The following IFI27L1 variants were observed in gnomAD, a reference collection of about 807,000 sequenced individuals.
IFI27L1 encodes interferon alpha-inducible protein 27-like protein 1.
A neutral mutation model predicts 9.2 loss-of-function variants in IFI27L1; 3 were observed. The ratio of observed to expected loss-of-function variants is 0.32; its 90% confidence interval spans 0.15 to 0.84. IFI27L1 has a LOEUF of 0.84. Ranked by LOEUF, IFI27L1 falls within the 40% of genes least tolerant of loss-of-function variation. The pLI, the probability that IFI27L1 is intolerant of heterozygous loss-of-function variation, is 0.56. For synonymous variants in IFI27L1, 53 were observed against 50.0 expected (o/e 1.06, Z -0.26); for missense variants, 133 against 134.2 (o/e 0.99, Z 0.05).
intron 1 of IFI27L1, chr14:94,088,322 G>A (rs1426420966): frequency 1.4e-6 from 1 of 702,212 alleles, no homozygotes; most frequent in Admixed American, 2.0e-5. Flanking sequence ...TCATTTTACT[G>A]GCATAGATGC....
chr14:94,091,579 A>G (rs1274581579), intron 1 of IFI27L1, among the ~76,000 whole-genome samples: 1 of 152,186 alleles, frequency 6.6e-6, no homozygotes, highest in Non-Finnish European at 1.5e-5. Context: ...AAGAAGACAT[A>G]ATTTATAATT....
intron 1 of IFI27L1, 137 bp from the exon 2 acceptor site, chr14:94,096,750 T>C (rs1209733607): frequency 1.7e-5 from 8 of 482,634 alleles, no homozygotes; most frequent in African/African-American, 1.4e-4. Flanking sequence ...TACTCAAAAG[T>C]GGGTTTACGG....
At chr14:94,091,105 A>G (rs1195229563) in intron 1 of IFI27L1, among the ~76,000 whole-genome samples, 1 of 152,228 alleles carries the variant, frequency 6.6e-6, no homozygotes, top group African/African-American at 2.4e-5. Context: ...TCAGCTCTCC[A>G]TGAAAGTCCT....
At chr14:94,101,721 C>A (rs1170097717) in intron 3 of IFI27L1, 93 bp from the exon 4 acceptor site, 2 of 1,343,568 alleles carry the variant, frequency 1.5e-6, no homozygotes, top group Non-Finnish European at 2.1e-6. Flanking sequence ...GAGAGCACAG[C>A]AGACCCCTCC....
chr14:94,101,113 C>T (rs1431684282), intron 3 of IFI27L1: 1 of 506,226 alleles, frequency 2.0e-6, no homozygotes, highest in Non-Finnish European at 3.5e-6. Context: ...GGGAGTATGT[C>T]AGCTGAGCTG....
At chr14:94,101,191 T>A in intron 3 of IFI27L1, 1 of 339,490 alleles carries the variant, frequency 2.9e-6, no homozygotes, top group Non-Finnish European at 5.5e-6. Flanking sequence ...GCTTTTGACC[T>A]GCTATAAAGC....
chr14:94,102,151 T>C, intron 4 of IFI27L1, 176 bp downstream of exon 4: 1 of 676,110 alleles, frequency 1.5e-6, no homozygotes, highest in South Asian at 1.9e-5. Context: ...GCCTAAGAGA[T>C]CTGCATTCCT....
At chr14:94,101,130 A>AT in intron 3 of IFI27L1, 2 of 455,484 alleles carry the variant, frequency 4.4e-6, no homozygotes, top group Non-Finnish European at 7.9e-6. Context: ...GCTGTGTCTC[A>AT]TTCCTCAAAA....
intron 1 of IFI27L1, among the ~76,000 whole-genome samples, chr14:94,084,880 G>T (rs1429214860): frequency 6.6e-6 from 1 of 152,160 alleles, no homozygotes; most frequent in Non-Finnish European, 1.5e-5. Flanking sequence ...TTCCTCAAGG[G>T]AAATTGGGTT....
chr14:94,086,504 C>T (rs1390437864), intron 1 of IFI27L1, among the ~76,000 whole-genome samples: 1 of 152,128 alleles, frequency 6.6e-6, no homozygotes, highest in African/African-American at 2.4e-5. Context: ...AAATATTAAT[C>T]TATAACCAGG....
At chr14:94,094,882 C>G (rs1286613634) in intron 1 of IFI27L1, 1 of 152,080 alleles carries the variant, frequency 6.6e-6, no homozygotes, top group Non-Finnish European at 1.5e-5. Context: ...GACCGCAACA[C>G]CAATTGGCTG....
chr14:94,092,149 AAG>A (rs1406607552), intron 1 of IFI27L1, among the ~76,000 whole-genome samples: 2 of 151,724 alleles, frequency 1.3e-5, no homozygotes, highest in Non-Finnish European at 2.9e-5. Flanking sequence ...AAAAAAAAGA[AAG>A]AAAATCTTAA....
At position 94,097,308 on chromosome 14, in the gene IFI27L1, C is replaced by G. The variant is rs567388257; in HGVS notation, c.28+343C>G. Among the ~76,000 whole-genome samples, 3 of 152,328 alleles carry G rather than the reference C, an allele frequency of 2.0e-5. No homozygotes were observed. In the South Asian group the frequency reaches 6.2e-4, roughly 32 times the overall value. On this transcript the variant is annotated intron_variant, in intron 2 of 4. Coordinates refer to ENST00000555523, the MANE Select transcript of IFI27L1 (RefSeq NM_206949.3). ...AACGGGCAGTTGCTGGGCAGTCATCCATTCAGAAGTATTCTTTATGGAAGG... is the reference window on the plus strand; with the variant it reads ...AACGGGCAGTTGCTGGGCAGTCATCGATTCAGAAGTATTCTTTATGGAAGG...
chr14:94,100,577 G>T (rs1886855317), intron 2 of IFI27L1, 162 bp from the exon 3 acceptor site: 5 of 985,462 alleles, frequency 5.1e-6, no homozygotes, highest in Non-Finnish European at 6.0e-6. Context: ...GAGCCCTGAG[G>T]ATGGGGCCTT....
At chr14:94,092,507 T>C (rs1047625877) in intron 1 of IFI27L1, among the ~76,000 whole-genome samples, 11 of 152,112 alleles carry the variant, frequency 7.2e-5, no homozygotes, top group Admixed American at 2.6e-4. Flanking sequence ...CGAGACTCCA[T>C]CTCAAAAACA....
intron 4 of IFI27L1, 42 bp downstream of exon 4, chr14:94,102,017 C>T: frequency 6.2e-7 from 1 of 1,611,178 alleles, no homozygotes; most frequent in Non-Finnish European, 8.5e-7. Flanking sequence ...GGAGATGATC[C>T]AGCCCCGAGG....
chr14:94,097,162 C>T lies in IFI27L1; in HGVS notation c.28+197C>T, dbSNP rs115867905. On this transcript the variant is annotated intron_variant, in intron 2 of 4. Transcript: ENST00000555523. ...CATGCCACAGTGGACCATGGCGGGG[C>T]CACAGATGTACCCAGGAAGGCAAAG... Among the ~76,000 whole-genome samples, 1,005 of 152,220 alleles carry T rather than the reference C, an allele frequency of 6.6e-3. 11 individuals carry two copies. The highest frequency in any genetic ancestry group is 0.023 in the African/African-American group (948 of 41,544).
chr14:94,086,514 G>A (rs1369181168), intron 1 of IFI27L1, among the ~76,000 whole-genome samples: 1 of 151,970 alleles, frequency 6.6e-6, no homozygotes, highest in Non-Finnish European at 1.5e-5. Flanking sequence ...CTATAACCAG[G>A]GACGGATCCA....
chr14:94,101,726 CCCT>C, intron 3 of IFI27L1, 85 bp from the exon 4 acceptor site: 2 of 1,377,134 alleles, frequency 1.5e-6, no homozygotes, highest in South Asian at 2.5e-5. Context: ...CACAGCAGAC[CCCT>C]CCTCCTCATC....
Sources: allele counts gnomAD v4.1 joint callset (sites outside exome capture counted in the v4.1 genomes callset), GRCh38; gene constraint gnomAD v4.1.1; transcripts MANE v1.5; gene names NCBI Gene and HGNC (gene_info 2026-07-23, HGNC 2026-07-21).